GNA13: variants seen among roughly 807,000 people sequenced by gnomAD.
The protein encoded by GNA13 is guanine nucleotide-binding protein subunit alpha-13.
Under a neutral mutation model 33.5 loss-of-function variants are expected in GNA13, and 4 were observed. The observed-to-expected ratio is 0.12, with a 90% CI of 0.06 to 0.27. GNA13 has a LOEUF of 0.27. Among genes scored for constraint, GNA13 ranks in the 10% least tolerant of loss-of-function variants. GNA13 has a pLI of 1.00. For missense variants in GNA13, 319 were observed against 487.2 expected (o/e 0.65, Z 3.25); for synonymous variants, 176 against 183.8 (o/e 0.96, Z 0.34).
chr17:65,009,505 C>A lies in GNA13; in HGVS notation c.*4752G>T, dbSNP rs1350792724. Among the ~76,000 whole-genome samples, 1 of 151,898 alleles carries A rather than the reference C, an allele frequency of 6.6e-6. No homozygotes were observed. Among genetic ancestry groups the A allele is most frequent in the African/African-American group, 2.4e-5 (1 of 41,336 alleles). On this transcript the variant is annotated 3_prime_UTR_variant, in exon 4 of 4. Coordinates refer to ENST00000439174, the MANE Select transcript of GNA13 (RefSeq NM_006572.6). ...ACTAAAGCACTGACAAAAAAATTTA[C>A]AACAATTATCAGATAATGTGCTTAG...
At chr17:65,028,910 A>C (rs1906901117) in intron 2 of GNA13, among the ~76,000 whole-genome samples, 1 of 152,106 alleles carries the variant, frequency 6.6e-6, no homozygotes, top group Non-Finnish European at 1.5e-5. Flanking sequence ...AGTTTCCTTA[A>C]AGAGGAATAC....
At chr17:65,037,777 G>GAAAAACAAAAA in intron 2 of GNA13, among the ~76,000 whole-genome samples, 1 of 82,042 alleles carries the variant, frequency 1.2e-5, no homozygotes, top group Non-Finnish European at 2.1e-5. Flanking sequence ...CTACAAAAAT[G>GAAAAACAAAAA]GAAAAAAAAA....
Position 65,010,615 on chromosome 17 carries a change from A to C in GNA13, c.*3642T>G, listed in dbSNP as rs1026565466. The C allele has an allele frequency of 3.4e-5, 7 of 205,536 alleles. No individual in the cohort carries two copies. Among genetic ancestry groups the C allele is most frequent in the African/African-American group, 1.6e-4 (7 of 43,840 alleles). 12.7% of individuals were successfully genotyped at this position (205,536 alleles called of 1,614,324 possible). A position where few individuals can be genotyped will look rare whatever the true frequency, so the allele number is the denominator to read the frequency against. ...TAAAATGATGGGAGAGAGACAAATT[A>C]ACTAGGTACTAAGTCAGATTTCCAA... On this transcript the variant is annotated 3_prime_UTR_variant, in exon 4 of 4. Transcript: ENST00000439174.
At chr17:65,036,028 C>CA (rs968766507) in intron 2 of GNA13, among the ~76,000 whole-genome samples, 1 of 152,118 alleles carries the variant, frequency 6.6e-6, no homozygotes, top group African/African-American at 2.4e-5. Context: ...ACACAATAAT[C>CA]AACACTAATT....
chr17:65,021,213 T>C lies in GNA13; in HGVS notation c.511-2910A>G, dbSNP rs191484722. On this transcript the variant is annotated intron_variant, in intron 2 of 3. Coordinates refer to ENST00000439174, the MANE Select transcript of GNA13 (RefSeq NM_006572.6). ...GTGTACCTGGGTTCCAGCCCCAAGA[T>C]AGACTTTATTACTGACAAAGTCAAC... 2.8e-3 allele frequency among the ~76,000 whole-genome samples: 421 copies of C among 152,322 alleles called. 2 individuals carry two copies. The highest frequency in any genetic ancestry group is 9.7e-3 in the African/African-American group (404 of 41,576).
intron 2 of GNA13, chr17:65,052,057 A>G (rs1338774623): frequency 6.6e-6 from 1 of 152,256 alleles, no homozygotes; most frequent in Non-Finnish European, 1.5e-5. Flanking sequence ...AGTATAAATA[A>G]TAACAGCAAG....
chr17:65,056,632 C>T lies in GNA13; in HGVS notation c.-39G>A. The stretch of plus-strand genomic sequence containing the variant: ...CCGCCGCCTCGGCGGGCCCCTCCGG[C>T]TCCCTCCACCTCCTCCTCCGGCGGC... On this transcript the variant is annotated 5_prime_UTR_variant, in exon 1 of 4. Transcript: ENST00000439174. 1 of 1,533,422 alleles carries T rather than the reference C, an allele frequency of 6.5e-7. No individual in the cohort carries two copies. The highest frequency in any genetic ancestry group is 8.8e-7 in the Non-Finnish European group (1 of 1,136,918). 95.0% of individuals were successfully genotyped at this position (1,533,422 alleles called of 1,614,324 possible).
chr17:65,015,951 T>C lies in GNA13; in HGVS notation c.562-1122A>G, dbSNP rs549251177. Among the ~76,000 whole-genome samples, 7 of 152,302 alleles carry C rather than the reference T, an allele frequency of 4.6e-5. No homozygotes were observed. In the East Asian group the frequency reaches 9.6e-4, roughly 21 times the overall value. On this transcript the variant is annotated intron_variant, in intron 3 of 3. Transcript: ENST00000439174. ...ACCTCTGTCTGTGAAATGGAGGTGA[T>C]CACACTTGGTCTATATACCTGGGAG... is the stretch of plus-strand genomic sequence containing the variant.
At chr17:65,029,816 A>G (rs995870455) in intron 2 of GNA13, among the ~76,000 whole-genome samples, 3 of 151,792 alleles carry the variant, frequency 2.0e-5, no homozygotes, top group African/African-American at 7.3e-5. Context: ...TTTCCATCTT[A>G]TTATTTCTAC....
At chr17:65,023,603 A>G (rs1906667710) in intron 2 of GNA13, among the ~76,000 whole-genome samples, 2 of 152,368 alleles carry the variant, frequency 1.3e-5, no homozygotes, top group Non-Finnish European at 2.9e-5. Context: ...ACACTCTGGT[A>G]AAGTCATTTC....
chr17:65,014,025 A>G lies in GNA13; in HGVS notation c.*232T>C. 1 of 491,024 alleles carries G rather than the reference A, an allele frequency of 2.0e-6. No homozygotes were observed. Among genetic ancestry groups the G allele is most frequent in the Non-Finnish European group, 3.6e-6 (1 of 275,880 alleles). The allele number at this position is 491,024 out of a possible 1,614,324, so 30.4% of individuals were successfully genotyped here. A position where few individuals can be genotyped will look rare whatever the true frequency, so the allele number is the denominator to read the frequency against. ...GAGGTTTTAACTGGACTTGAATAGA[A>G]GCCATGGTGAAACAGATCAAAGCCT... On this transcript the variant is annotated 3_prime_UTR_variant, in exon 4 of 4. Transcript: ENST00000439174. This position sits in a 1 kb window ranked among gnomAD's most constrained non-coding sequence, Gnocchi z 5.3.
chr17:65,049,100 T>A (rs932573384), intron 2 of GNA13, among the ~76,000 whole-genome samples: 1 of 152,168 alleles, frequency 6.6e-6, no homozygotes, highest in African/African-American at 2.4e-5. Context: ...TTAAATTATA[T>A]TACATATTTT....
Position 65,012,329 on chromosome 17 carries a change from T to C in GNA13, c.*1928A>G, listed in dbSNP as rs1440766523. Reference sequence around the variant, plus strand: ...TATGGGTAAACTCTCCAATGAATAGTCCAAATGTTACTGTGCACATATTCC... The same window carrying C: ...TATGGGTAAACTCTCCAATGAATAGCCCAAATGTTACTGTGCACATATTCC... On this transcript the variant is annotated 3_prime_UTR_variant, in exon 4 of 4. Coordinates refer to ENST00000439174, the MANE Select transcript of GNA13 (RefSeq NM_006572.6). The C allele has an allele frequency of 4.9e-5, 11 of 223,990 alleles. No individual in the cohort carries two copies. The highest frequency in any genetic ancestry group is 9.8e-5 in the Non-Finnish European group (11 of 112,322). 13.9% of individuals were successfully genotyped at this position (223,990 alleles called of 1,614,324 possible).
intron 2 of GNA13, among the ~76,000 whole-genome samples, chr17:65,031,514 A>T (rs1907008825): frequency 6.6e-6 from 1 of 152,206 alleles, no homozygotes; most frequent in African/African-American, 2.4e-5. Flanking sequence ...AAAAAGAATC[A>T]AGTGATATCA....
intron 2 of GNA13, among the ~76,000 whole-genome samples, chr17:65,029,975 T>G (rs1255764737): frequency 6.6e-6 from 1 of 152,182 alleles, no homozygotes; most frequent in Non-Finnish European, 1.5e-5. Context: ...GCAAAGATCT[T>G]CAGTGGCATA....
rs2143762545 is a variant in GNA13 at position 65,012,654 on chromosome 17, T to G, written c.*1603A>C. Reference sequence around the variant, plus strand: ...GTTAGTTCACTGAAAAGCCCCACTCTCGTATCAGACAGCAAGACAGAACAA... The same window carrying G: ...GTTAGTTCACTGAAAAGCCCCACTCGCGTATCAGACAGCAAGACAGAACAA... On this transcript the variant is annotated 3_prime_UTR_variant, in exon 4 of 4. Coordinates refer to ENST00000439174, the MANE Select transcript of GNA13 (RefSeq NM_006572.6). The G allele has an allele frequency of 8.7e-6, 2 of 230,324 alleles. No homozygotes were observed. Among genetic ancestry groups the G allele is most frequent in the Middle Eastern group, 2.6e-3 (2 of 768 alleles). 14.3% of individuals were successfully genotyped at this position (230,324 alleles called of 1,614,324 possible).
Position 65,031,866 on chromosome 17 carries a change from TAGAG to T in GNA13, c.511-13567_511-13564del, listed in dbSNP as rs138789425. ...GAGTTCTACACCAACCCGGACAACA[TAGAG>T]AGAGAGAGAGAGAGAGAGAGAGAGA... On this transcript the variant is annotated intron_variant, in intron 2 of 3. Transcript: ENST00000439174. Among the ~76,000 whole-genome samples the T allele has an allele frequency of 8.5e-3, 905 of 106,274 alleles. 11 individuals are homozygous for T. Among genetic ancestry groups the T allele is most frequent in the African/African-American group, 0.034 (847 of 24,872 alleles). 69.7% of individuals were successfully genotyped at this position (106,274 alleles called of 152,430 possible). A position where few individuals can be genotyped will look rare whatever the true frequency, so the allele number is the denominator to read the frequency against.
At chr17:65,036,722 A>C (rs1598491635) in intron 2 of GNA13, among the ~76,000 whole-genome samples, 1 of 152,320 alleles carries the variant, frequency 6.6e-6, no homozygotes, top group South Asian at 2.1e-4. Context: ...ATAAATATAT[A>C]AATAAATAAA....
At chr17:65,056,249 G>GCCCCCCCCCCC in intron 1 of GNA13, 62 bp downstream of exon 1, 16 of 774,824 alleles carry the variant, frequency 2.1e-5, no homozygotes, top group East Asian at 1.3e-4. Context: ...GCCCCGCCCC[G>GCCCCCCCCCCC]CACCCGCCGC....
Sources: gnomAD v4.1 joint callset for allele counts (sites outside exome capture counted in the v4.1 genomes callset) on GRCh38, gnomAD v4.1.1 for gene constraint, Gnocchi (gnomAD v3.1) non-coding constraint, MANE v1.5 for transcripts, NCBI Gene and HGNC (gene_info 2026-07-23, HGNC 2026-07-21) for gene names.